LINGO2: variants seen among roughly 807,000 people sequenced by gnomAD.
LINGO2 encodes leucine-rich repeat and immunoglobulin-like domain-containing nogo receptor-interacting protein 2.
A neutral mutation model predicts 30.6 loss-of-function variants in LINGO2; 14 were observed. The observed-to-expected ratio is 0.46, with a 90% CI of 0.30 to 0.72. The LOEUF is 0.72. LINGO2 is among the 30% of genes least tolerant of loss of function. The pLI, the probability that LINGO2 is intolerant of heterozygous loss-of-function variation, is 0.07. For missense variants in LINGO2, 729 were observed against 751.7 expected, an observed-to-expected ratio of 0.97 and a Z score of 0.35; for synonymous variants, 317 against 288.5, an observed-to-expected ratio of 1.10 and a Z score of -1.00.
rs555855681 is a variant in LINGO2 at position 28,195,096 on chromosome 9, A to T, written c.-87+100112T>A. 3.9e-5 allele frequency among the ~76,000 whole-genome samples: 6 copies of T among 152,148 alleles called. No homozygotes were observed. In the South Asian group the frequency reaches 1.0e-3, roughly 26 times the overall value. ...ATGTAAACATTTGTTTTTTGAAATT[A>T]AGGGGAAAATACTCTATTAAGTAAC... On this transcript the variant is annotated intron_variant, in intron 4 of 5. Coordinates refer to ENST00000379992, the Ensembl canonical transcript of LINGO2.
At chr9:28,754,366 T>A in the LINGO2 span, among the ~76,000 whole-genome samples, 1 of 152,086 alleles carries the variant, frequency 6.6e-6, no homozygotes, top group Non-Finnish European at 1.5e-5. Context: ...TTCTAGCTTT[T>A]CTGAGGACAG....
chr9:28,245,450 C>T (rs1156431719), intron 4 of LINGO2, among the ~76,000 whole-genome samples: 2 of 152,072 alleles, frequency 1.3e-5, no homozygotes, highest in South Asian at 2.1e-4. Flanking sequence ...AAGTTCCAGC[C>T]AGGGCAATCA....
At chr9:28,914,347 T>C in the LINGO2 span, among the ~76,000 whole-genome samples, 2 of 152,168 alleles carry the variant, frequency 1.3e-5, no homozygotes, top group Admixed American at 1.3e-4. Context: ...TAAAGTAAGG[T>C]TATGGACTTT....
the LINGO2 span, among the ~76,000 whole-genome samples, chr9:29,202,166 A>AG: frequency 2.0e-5 from 3 of 151,902 alleles, no homozygotes; most frequent in Non-Finnish European, 4.4e-5. Flanking sequence ...AAAGATAAAT[A>AG]GGCCAATGAA....
At chr9:28,354,128 T>G (rs1003713878) in intron 3 of LINGO2, among the ~76,000 whole-genome samples, 2 of 151,972 alleles carry the variant, frequency 1.3e-5, no homozygotes, top group Non-Finnish European at 2.9e-5. Context: ...AATGTGCACA[T>G]GTACCCTAAA....
chr9:28,882,609 C>T, the LINGO2 span, among the ~76,000 whole-genome samples: 1 of 152,136 alleles, frequency 6.6e-6, no homozygotes, highest in African/African-American at 2.4e-5. Flanking sequence ...CTATGCTCCT[C>T]TAAGATAAGG....
chr9:29,190,051 G>A, the LINGO2 span, among the ~76,000 whole-genome samples: 2 of 141,168 alleles, frequency 1.4e-5, no homozygotes, highest in Admixed American at 7.0e-5. Flanking sequence ...GGGAGAGGGA[G>A]GGGGAGGGGG....
At chr9:28,354,932 C>T (rs1321549458) in intron 3 of LINGO2, among the ~76,000 whole-genome samples, 4 of 152,114 alleles carry the variant, frequency 2.6e-5, no homozygotes, top group Admixed American at 6.6e-5. Flanking sequence ...TGCTGTTGTG[C>T]ATTGCTGAAT....
chr9:28,033,785 A>G (rs974503935), intron 4 of LINGO2, among the ~76,000 whole-genome samples: 2 of 152,228 alleles, frequency 1.3e-5, no homozygotes, highest in Non-Finnish European at 2.9e-5. Context: ...CGTTAGGAAG[A>G]CAGAAGATGT....
intron 1 of LINGO2, among the ~76,000 whole-genome samples, chr9:28,521,898 G>A (rs950479658): frequency 1.3e-5 from 2 of 152,126 alleles, no homozygotes; most frequent in African/African-American, 4.8e-5. Context: ...GAATTATGTG[G>A]GCACAAGCCA....
chr9:28,244,212 C>G (rs148062931), intron 4 of LINGO2, among the ~76,000 whole-genome samples: 2,135 of 152,298 alleles, frequency 0.014, 46 homozygotes, highest in African/African-American at 0.049. Flanking sequence ...GAACAACCTA[C>G]TCCTGAATGA....
chr9:28,514,801 T>C (rs1426989877), intron 1 of LINGO2, among the ~76,000 whole-genome samples: 1 of 152,180 alleles, frequency 6.6e-6, no homozygotes, highest in Non-Finnish European at 1.5e-5. Context: ...AGATTTTCAA[T>C]GTAGACAAAA....
intron 2 of LINGO2, among the ~76,000 whole-genome samples, chr9:28,430,109 CGT>C (rs55989705): frequency 1.5e-5 from 2 of 136,100 alleles, no homozygotes; most frequent in East Asian, 2.1e-4. Flanking sequence ...CGCGCGCGCG[CGT>C]GTGTGTGTGT....
chr9:28,346,405 T>C (rs995097401), intron 3 of LINGO2, among the ~76,000 whole-genome samples: 9 of 152,184 alleles, frequency 5.9e-5, no homozygotes, highest in African/African-American at 1.4e-4. Context: ...TAGTAGTCCA[T>C]GGTGTACCAC....
At chr9:29,124,011 T>C in the LINGO2 span, among the ~76,000 whole-genome samples, 1 of 152,152 alleles carries the variant, frequency 6.6e-6, no homozygotes, top group Admixed American at 6.6e-5. Flanking sequence ...CTTCAAACTA[T>C]ACTACAAGGC....
chr9:27,955,924 A>G (rs1819539362), intron 5 of LINGO2, among the ~76,000 whole-genome samples: 1 of 145,806 alleles, frequency 6.9e-6, no homozygotes, highest in African/African-American at 2.5e-5. Flanking sequence ...CCCCTTCGAC[A>G]TGGATACTGA....
chr9:28,716,827 A>G, the LINGO2 span, among the ~76,000 whole-genome samples: 5 of 152,096 alleles, frequency 3.3e-5, no homozygotes, highest in South Asian at 4.1e-4. Flanking sequence ...GATATATGCT[A>G]TTAAACTTAG....
At chr9:28,475,843 A>G (rs1203530559) in intron 2 of LINGO2, 97 bp downstream of exon 4, 1 of 152,634 alleles carries the variant, frequency 6.6e-6, no homozygotes, top group Non-Finnish European at 1.5e-5. Flanking sequence ...GGTACATTTT[A>G]GAAGCTTTCT....
At chr9:28,872,758 T>C in the LINGO2 span, among the ~76,000 whole-genome samples, 1 of 152,280 alleles carries the variant, frequency 6.6e-6, no homozygotes, top group Middle Eastern at 3.4e-3. Flanking sequence ...AGCTTAAAGT[T>C]CTGCACCTAC....
Sources: allele counts gnomAD v4.1 joint callset (sites outside exome capture counted in the v4.1 genomes callset), GRCh38; gene constraint gnomAD v4.1.1; transcripts MANE v1.5; gene names NCBI Gene and HGNC (gene_info 2026-07-23, HGNC 2026-07-21).